ERCC4: variants seen among roughly 807,000 people sequenced by gnomAD.
ERCC4 encodes the protein DNA repair endonuclease XPF.
ERCC4 carries 65 observed loss-of-function variants against 76.9 expected under a neutral mutation model. The ratio of observed to expected loss-of-function variants is 0.84; its 90% CI spans 0.69 to 1.04. ERCC4 has a LOEUF of 1.04. Ranked by LOEUF, ERCC4 falls within the 50% of genes least tolerant of loss-of-function variation. The pLI is 0.00. For missense variants in ERCC4, 1,214 were observed against 1,128.2 expected, an observed-to-expected ratio of 1.08 and a Z score of -1.09; for synonymous variants, 463 against 410.1, an observed-to-expected ratio of 1.13 and a Z score of -1.56.
intron 2 of ERCC4, chr16:13,922,576 GCTTTAT>G: frequency 1.5e-6 from 1 of 688,540 alleles, no homozygotes; most frequent in Non-Finnish European, 2.7e-6. Flanking sequence ...TTTCTTAATG[GCTTTAT>G]CCTTGGGCAC....
chr16:13,935,453 A>T lies in ERCC4; in HGVS notation c.1521A>T (p.Glu507Asp). The T allele has an allele frequency of 6.2e-7, 1 of 1,614,200 alleles. No individual in the cohort carries two copies. Among genetic ancestry groups the T allele is most frequent in the South Asian group, 1.1e-5 (1 of 91,070 alleles). ...GAAAACCTGAAGAACTGGAAGAGGA[A>T]GGAGATGTCGAGGAAGGATATCGTC... ...MVGKPEELEE[E>D]GDVEEGYRRE... Residue 507 changes from glutamate (E) to aspartate (D), a missense_variant, in exon 8 of 11, where the codon GAA becomes GAT. Transcript: ENST00000311895.
chr16:13,923,862 A>T (rs3136070), intron 2 of ERCC4, among the ~76,000 whole-genome samples: 47,799 of 151,934 alleles, frequency 0.31, 7,761 homozygotes, highest in Middle Eastern at 0.41. Context: ...AAATTGATTT[A>T]AAAAAATTTT....
chr16:13,927,151 C>A (rs530096466), intron 3 of ERCC4, among the ~76,000 whole-genome samples: 1 of 152,276 alleles, frequency 6.6e-6, no homozygotes, highest in East Asian at 1.9e-4. Context: ...AAATAAAGCA[C>A]AAAGGTTTTG....
Position 13,948,150 on chromosome 16 carries a change from T to C in ERCC4, c.2554T>C (p.Leu852=), listed in dbSNP as rs1304540783. 1 of 1,614,198 alleles carries C rather than the reference T, an allele frequency of 6.2e-7. No homozygotes were observed. Among genetic ancestry groups the C allele is most frequent in the Admixed American group, 1.7e-5 (1 of 60,022 alleles). Residue 852 remains leucine, a synonymous_variant, in exon 11 of 11, where the codon TTG becomes CTG. Transcript: ENST00000311895. ...GTATAATCCTGGTCCCCAAGACTTCTTGTTAAAAATGCCAGGGGTGAATGC... is the reference window on the plus strand; with the variant it reads ...GTATAATCCTGGTCCCCAAGACTTCCTGTTAAAAATGCCAGGGGTGAATGC... ...EKYNPGPQDF[L]LKMPGVNAKN...
chr16:13,948,360 G>GT lies in ERCC4; in HGVS notation c.*17dup. 1 of 1,606,064 alleles carries GT rather than the reference G, an allele frequency of 6.2e-7. No homozygotes were observed. The highest frequency in any genetic ancestry group is 8.5e-7 in the Non-Finnish European group (1 of 1,179,886). On this transcript the variant is annotated 3_prime_UTR_variant, in exon 11 of 11. Transcript: ENST00000311895. ...AGGGAAAAAGTGAACAGTGATGGCT[G>GT]TTTTCTTATCCCATGCCTGTACTTT...
intron 5 of ERCC4, 85 bp from the exon 6 acceptor site, chr16:13,932,072 A>C: frequency 1.8e-6 from 2 of 1,131,360 alleles, no homozygotes; most frequent in Non-Finnish European, 2.7e-6. Flanking sequence ...ACAGCCAGTT[A>C]CGTATGTAGG....
chr16:13,938,154 CGA>C (rs1243416532), intron 9 of ERCC4, among the ~76,000 whole-genome samples: 3 of 152,066 alleles, frequency 2.0e-5, no homozygotes, highest in Non-Finnish European at 4.4e-5. Context: ...TGATAAAACA[CGA>C]GAAATATAGC....
intron 9 of ERCC4, among the ~76,000 whole-genome samples, chr16:13,941,201 T>C (rs998058732): frequency 4.6e-5 from 7 of 152,202 alleles, no homozygotes; most frequent in African/African-American, 1.7e-4. Context: ...TTTCAATCCA[T>C]AGAAAAATTT....
chr16:13,925,379 A>T (rs2032053129), intron 2 of ERCC4, among the ~76,000 whole-genome samples: 1 of 152,182 alleles, frequency 6.6e-6, no homozygotes, highest in African/African-American at 2.4e-5. Flanking sequence ...AAACCCACCA[A>T]TTAGGTACAG....
At chr16:13,922,405 C>G (rs1195425528) in intron 2 of ERCC4, 194 bp downstream of exon 2, 1 of 760,514 alleles carries the variant, frequency 1.3e-6, no homozygotes, top group South Asian at 1.3e-5. Flanking sequence ...TCGGTCCTTG[C>G]AGGCTTCACA....
intron 8 of ERCC4, among the ~76,000 whole-genome samples, chr16:13,937,280 C>T (rs1183235820): frequency 6.6e-6 from 1 of 151,908 alleles, no homozygotes; most frequent in African/African-American, 2.4e-5. Context: ...TGATGTAATC[C>T]ATACGTCTTC....
chr16:13,935,066 G>A (rs1034181404), intron 7 of ERCC4, 80 bp from the exon 8 acceptor site: 17 of 1,043,242 alleles, frequency 1.6e-5, no homozygotes, highest in Middle Eastern at 2.1e-4. Context: ...TCTTCCCTTC[G>A]GGTGAAGGAA....
At chr16:13,932,314 T>C in intron 6 of ERCC4, 29 bp downstream of exon 6, 1 of 1,594,638 alleles carries the variant, frequency 6.3e-7, no homozygotes, top group African/African-American at 1.3e-5. Flanking sequence ...TCTTTAAATG[T>C]GTTTTTTATT....
intron 7 of ERCC4, chr16:13,934,669 G>A (rs1458421854): frequency 3.9e-5 from 10 of 254,732 alleles, no homozygotes; most frequent in Non-Finnish European, 6.1e-5. Flanking sequence ...AAACTAATGG[G>A]TCTCCTGTTT....
At chr16:13,937,970 G>A in intron 9 of ERCC4, 112 bp downstream of exon 9, 1 of 737,568 alleles carries the variant, frequency 1.4e-6, no homozygotes, top group Non-Finnish European at 2.4e-6. Context: ...CGTTGGAGAG[G>A]ATCACATTGA....
chr16:13,938,319 G>C (rs1016001632), intron 9 of ERCC4, among the ~76,000 whole-genome samples: 2 of 152,126 alleles, frequency 1.3e-5, no homozygotes, highest in African/African-American at 4.8e-5. Flanking sequence ...GAATCACTCT[G>C]GGAAAATATT....
intron 8 of ERCC4, 92 bp from the exon 9 acceptor site, chr16:13,937,674 G>T: frequency 1.3e-6 from 1 of 791,122 alleles, no homozygotes; most frequent in Non-Finnish European, 2.3e-6. Context: ...TTATTTGAGC[G>T]CTCTAGGTTG....
chr16:13,935,586 A>G lies in ERCC4; in HGVS notation c.1654A>G (p.Thr552Ala), dbSNP rs773850619. Residue 552 changes from threonine (T) to alanine (A), a missense_variant, in exon 8 of 11, where the codon ACT becomes GCT. Physicochemically the swap from Thr to Ala is moderately conservative, Grantham distance 58 (BLOSUM62 0). Coordinates refer to ENST00000311895, the MANE Select transcript of ERCC4 (RefSeq NM_005236.3). The part of the protein sequence containing the change: ...AAFGILKEPL[T>A]IIHPLLGCSD... ...TTTCGGAATCCTGAAAGAACCCCTC[A>G]CTATCATCCATCCGCTTCTGGGTTG... The G allele has an allele frequency of 4.3e-6, 7 of 1,614,166 alleles. No individual in the cohort carries two copies. In the Admixed American group the frequency reaches 1.0e-4, roughly 23 times the overall value.
At position 13,920,384 on chromosome 16, in the gene ERCC4, CTGGCGCGGGA is replaced by C. The variant is rs1467903440; in HGVS notation, c.207+13_207+22del. The C allele has an allele frequency of 8.4e-6, 13 of 1,553,898 alleles. No individual in the cohort carries two copies. The highest frequency in any genetic ancestry group is 1.0e-5 in the Non-Finnish European group (12 of 1,156,356). ...AGCCGGCCGAGGAGGTGCGGCCGCG[CTGGCGCGGGA>C]GTGAGGGGACTCCGAGAGTGTTGAG... On this transcript the variant is annotated intron_variant, in intron 1 of 10. Transcript: ENST00000311895.
Sources: gnomAD v4.1 joint callset for allele counts (sites outside exome capture counted in the v4.1 genomes callset) on GRCh38, gnomAD v4.1.1 for gene constraint, MANE v1.5 for transcripts, NCBI Gene and HGNC (gene_info 2026-07-23, HGNC 2026-07-21) for gene names.